Variants in MYZAP observed in about 807,000 individuals in gnomAD.
MYZAP encodes the protein GRINL1A complex locus upstream.
In MYZAP, 66 loss-of-function variants were observed where a neutral mutation model predicts 69.4. The observed-to-expected ratio is 0.95, with a 90% CI of 0.78 to 1.17. MYZAP has a LOEUF of 1.17. Among genes scored for constraint, MYZAP ranks in the 50% most tolerant of loss-of-function variants. The probability of loss-of-function intolerance (pLI) is 0.00; values close to 1 mark genes in which losing one functional copy is unlikely to be tolerated. For synonymous variants in MYZAP, 256 were observed against 205.9 expected, an observed-to-expected ratio of 1.24 and a Z score of -2.09; for missense variants, 611 against 556.2, an observed-to-expected ratio of 1.10 and a Z score of -0.99.
intron 10 of MYZAP, among the ~76,000 whole-genome samples, chr15:57,645,608 T>C (rs1373450961): frequency 6.6e-6 from 1 of 152,200 alleles, no homozygotes; most frequent in Non-Finnish European, 1.5e-5. Flanking sequence ...GTTAATTGGA[T>C]CATAAGAAAT....
chr15:57,678,056 A>AG (rs2039231144), intron 12 of MYZAP, among the ~76,000 whole-genome samples: 1 of 151,454 alleles, frequency 6.6e-6, no homozygotes, highest in Non-Finnish European at 1.5e-5. Flanking sequence ...AAAAAAAAAA[A>AG]AAAAAAGAAA....
chr15:57,627,592 T>A (rs1223943252), intron 5 of MYZAP, among the ~76,000 whole-genome samples: 1 of 152,042 alleles, frequency 6.6e-6, no homozygotes, highest in Non-Finnish European at 1.5e-5. Flanking sequence ...CCCAGCCTCT[T>A]CCACTGGCCC....
Position 57,605,772 on chromosome 15 carries a change from G to A in MYZAP, c.162+1417G>A, listed in dbSNP as rs180942793. Among the ~76,000 whole-genome samples, 299 of 152,258 alleles carry A rather than the reference G, an allele frequency of 2.0e-3. 1 individual carries two copies. Among genetic ancestry groups the A allele is most frequent in the Non-Finnish European group, 3.2e-3 (221 of 68,034 alleles). On this transcript the variant is annotated intron_variant, in intron 2 of 12. Transcript: ENST00000267853. ...TGGGTTGCAGAAGGGAAAAGATGAGGGGGATATGGGACCTCTGGAAAATAA... is the reference window on the plus strand; with the variant it reads ...TGGGTTGCAGAAGGGAAAAGATGAGAGGGATATGGGACCTCTGGAAAATAA...
intron 1 of MYZAP, among the ~76,000 whole-genome samples, chr15:57,597,003 A>G (rs1189771032): frequency 6.6e-6 from 1 of 152,208 alleles, no homozygotes; most frequent in Non-Finnish European, 1.5e-5. Flanking sequence ...AAAAACAGAA[A>G]TCTCACCAGG....
intron 6 of MYZAP, among the ~76,000 whole-genome samples, chr15:57,631,363 C>T (rs1383205377): frequency 3.3e-5 from 5 of 152,006 alleles, no homozygotes; most frequent in Non-Finnish European, 5.9e-5. Context: ...GCCTTTAACT[C>T]CAGCCCACAG....
At chr15:57,621,026 T>A (rs944162007) in intron 3 of MYZAP, among the ~76,000 whole-genome samples, 8 of 148,124 alleles carry the variant, frequency 5.4e-5, no homozygotes, top group African/African-American at 1.5e-4. Flanking sequence ...TATTCTATAT[T>A]AATATATGCC....
At chr15:57,626,581 A>G (rs763639005) in intron 5 of MYZAP, among the ~76,000 whole-genome samples, 1 of 152,228 alleles carries the variant, frequency 6.6e-6, no homozygotes, top group Non-Finnish European at 1.5e-5. Context: ...CATTGTATGT[A>G]TTTGAAATAG....
chr15:57,613,314 G>GT (rs1248519655), intron 2 of MYZAP, among the ~76,000 whole-genome samples: 1 of 151,718 alleles, frequency 6.6e-6, no homozygotes, highest in African/African-American at 2.4e-5. Flanking sequence ...TTTAAAATTT[G>GT]TTTTTTTAGT....
chr15:57,618,849 G>C (rs1404504115), intron 3 of MYZAP, among the ~76,000 whole-genome samples: 1 of 151,744 alleles, frequency 6.6e-6, no homozygotes, highest in Non-Finnish European at 1.5e-5. Context: ...TTCCCCTCTT[G>C]ACCAAACCAC....
At chr15:57,648,036 T>A (rs2037534047) in intron 10 of MYZAP, 1 of 985,174 alleles carries the variant, frequency 1.0e-6, no homozygotes, top group African/African-American at 1.7e-5. Flanking sequence ...GAGGTGCTAC[T>A]CAAAAGTTTG....
At chr15:57,674,230 A>G (rs1421561588) in intron 11 of MYZAP, among the ~76,000 whole-genome samples, 1 of 151,620 alleles carries the variant, frequency 6.6e-6, no homozygotes, top group Non-Finnish European at 1.5e-5. Context: ...GTCTATTTTC[A>G]TTTTGGTATC....
intron 6 of MYZAP, among the ~76,000 whole-genome samples, chr15:57,630,453 T>C (rs1025263418): frequency 6.6e-5 from 10 of 152,184 alleles, no homozygotes; most frequent in African/African-American, 2.2e-4. Flanking sequence ...TAGATTTTCT[T>C]TGAGGTCCCA....
intron 8 of MYZAP, among the ~76,000 whole-genome samples, chr15:57,635,119 T>C (rs1567219910): frequency 6.6e-6 from 1 of 152,206 alleles, no homozygotes; most frequent in Non-Finnish European, 1.5e-5. Context: ...GGCTTTAGAA[T>C]CAGACAGTCT....
At chr15:57,678,040 CCAA>C (rs1567243302) in intron 12 of MYZAP, among the ~76,000 whole-genome samples, 4 of 21,112 alleles carry the variant, frequency 1.9e-4, no homozygotes, top group African/African-American at 7.6e-4. Flanking sequence ...CTTATCTCTA[CCAA>C]AAAAAAAAAA....
At chr15:57,664,165 C>G (rs1391446630) in intron 11 of MYZAP, among the ~76,000 whole-genome samples, 1 of 151,466 alleles carries the variant, frequency 6.6e-6, no homozygotes, top group African/African-American at 2.4e-5. Flanking sequence ...CAGACAGGTG[C>G]AGTCATCTTT....
At chr15:57,642,387 G>A (rs919390519) in intron 10 of MYZAP, among the ~76,000 whole-genome samples, 3 of 152,120 alleles carry the variant, frequency 2.0e-5, no homozygotes, top group Admixed American at 1.3e-4. Flanking sequence ...TGAAAAATCC[G>A]GAGTACTGAA....
intron 2 of MYZAP, among the ~76,000 whole-genome samples, chr15:57,605,035 G>A (rs1480587158): frequency 4.6e-5 from 7 of 152,186 alleles, no homozygotes; most frequent in African/African-American, 1.4e-4. Flanking sequence ...TGACAGTGAA[G>A]TTGGAGGCTT....
In MYZAP at chr15:57,632,514, G is replaced by T. The variant is rs1446797239; in HGVS notation, c.759G>T (p.Leu253=). The change falls in exon 7 of 13, where the codon CTG becomes CTT. Residue 253 remains leucine, a synonymous_variant. Coordinates refer to ENST00000267853, the MANE Select transcript of MYZAP (RefSeq NM_001018100.5). ...KKLYSQYEEK[L]QEEQRKHSAE... ...TGTACAGCCAGTATGAGGAGAAGCT[G>T]CAGGAAGAACAGAGGAAGCACAGTG... 1 of 1,614,242 alleles carries T rather than the reference G, an allele frequency of 6.2e-7. No individual in the cohort carries two copies. Among genetic ancestry groups the T allele is most frequent in the Non-Finnish European group, 8.5e-7 (1 of 1,180,042 alleles).
At chr15:57,593,190 A>ATGCGCGCGCACGCGCGCGCGCG (rs376306761) in intron 1 of MYZAP, among the ~76,000 whole-genome samples, 2 of 108,256 alleles carry the variant, frequency 1.8e-5, no homozygotes, top group African/African-American at 3.4e-5. Flanking sequence ...ACACAGGCGC[A>ATGCGCGCGCACGCGCGCGCGCG]CACACACACA....
Sources: allele counts gnomAD v4.1 joint callset (sites outside exome capture counted in the v4.1 genomes callset), GRCh38; gene constraint gnomAD v4.1.1; transcripts MANE v1.5; gene names NCBI Gene and HGNC (gene_info 2026-07-23, HGNC 2026-07-21).